CDC42BPA: variants seen among roughly 807,000 people sequenced by gnomAD.
CDC42BPA encodes the protein CDC42 binding protein kinase alpha.
CDC42BPA carries 80 observed loss-of-function variants against 223.5 expected under a neutral mutation model. The ratio of observed to expected loss-of-function variants is 0.36; its 90% CI spans 0.30 to 0.43. The LOEUF is 0.43. CDC42BPA is among the 20% of genes least tolerant of loss of function. The probability of loss-of-function intolerance (pLI) is 1.00; values close to 1 mark genes in which losing one functional copy is unlikely to be tolerated. For synonymous variants in CDC42BPA, 694 were observed against 718.6 expected (o/e 0.97, Z 0.55); for missense variants, 1,743 against 2,099.9 (o/e 0.83, Z 3.32).
chr1:226,999,259 C>G (rs1239194495), intron 35 of CDC42BPA, among the ~76,000 whole-genome samples: 1 of 151,756 alleles, frequency 6.6e-6, no homozygotes, highest in Non-Finnish European at 1.5e-5. Context: ...TCACTGCAAG[C>G]TCTGCCTCCC....
rs550993491 is a variant in CDC42BPA, at chr1:227,043,807, A to G, written c.3094-3571T>C. On this transcript the variant is annotated intron_variant, in intron 23 of 36. Transcript: ENST00000366766. ...CCAACTCCCTACTGCCATAAAAAAT[A>G]CAGTAATAAACATCTTCATCATGTT... Among the ~76,000 whole-genome samples, 81 of 152,286 alleles carry G rather than the reference A, an allele frequency of 5.3e-4. No individual in the cohort carries two copies. The East Asian group carries it at 6.8e-3, about 13-fold the overall frequency.
intron 34 of CDC42BPA, chr1:227,010,958 G>T (rs577982040): frequency 1.3e-5 from 18 of 1,364,668 alleles, no homozygotes; most frequent in East Asian, 9.1e-5. Context: ...TCAGGAGAGA[G>T]AAATTTTTCA....
chr1:227,005,883 C>T (rs1194617572), intron 34 of CDC42BPA, among the ~76,000 whole-genome samples: 1 of 152,212 alleles, frequency 6.6e-6, no homozygotes, highest in Non-Finnish European at 1.5e-5. Context: ...TCACACACGC[C>T]TAAAGGATAG....
chr1:227,148,830 A>T (rs1278486862), intron 6 of CDC42BPA, among the ~76,000 whole-genome samples: 2 of 150,702 alleles, frequency 1.3e-5, no homozygotes, highest in African/African-American at 4.9e-5. Flanking sequence ...TATTTGTATA[A>T]ACATATAAAA....
intron 15 of CDC42BPA, among the ~76,000 whole-genome samples, chr1:227,096,089 TACATA>T (rs1683948760): frequency 6.6e-6 from 1 of 152,196 alleles, no homozygotes. Flanking sequence ...AAAAATCTCC[TACATA>T]ACATTATTGA....
chr1:227,275,866 G>A (rs980615302), intron 1 of CDC42BPA, among the ~76,000 whole-genome samples: 45 of 152,212 alleles, frequency 3.0e-4, no homozygotes, highest in African/African-American at 1.0e-3. Flanking sequence ...GGCCTCCCGA[G>A]GTGCCGGGAT....
chr1:227,163,605 C>T lies in CDC42BPA; in HGVS notation c.600-2969G>A, dbSNP rs544993279. 6.6e-5 allele frequency among the ~76,000 whole-genome samples: 10 copies of T among 151,858 alleles called. No individual in the cohort carries two copies. The South Asian group carries it at 2.1e-3, about 32-fold the overall frequency. ...CTTGCCGTTGTAAAAATTGTGTGTGCACTGTTTTTTGTTTAATCTTCAGGG... is the reference window on the plus strand; with the variant it reads ...CTTGCCGTTGTAAAAATTGTGTGTGTACTGTTTTTTGTTTAATCTTCAGGG... On this transcript the variant is annotated intron_variant, in intron 5 of 36. Transcript: ENST00000366766.
chr1:227,257,190 A>G (rs1326101376), intron 1 of CDC42BPA, among the ~76,000 whole-genome samples: 2 of 152,146 alleles, frequency 1.3e-5, no homozygotes, highest in Non-Finnish European at 2.9e-5. Flanking sequence ...GGGACAGGAG[A>G]ATGAAAACTT....
intron 4 of CDC42BPA, among the ~76,000 whole-genome samples, chr1:227,195,883 G>A (rs1430498040): frequency 6.6e-6 from 1 of 152,072 alleles, no homozygotes; most frequent in East Asian, 1.9e-4. Context: ...CTAAAATAAA[G>A]AGCCCCTTCC....
chr1:227,213,929 C>A (rs190819852), intron 2 of CDC42BPA, among the ~76,000 whole-genome samples: 2 of 152,238 alleles, frequency 1.3e-5, no homozygotes, highest in East Asian at 3.9e-4. Context: ...CCCTTTCTCA[C>A]TCTCAACAAA....
intron 1 of CDC42BPA, among the ~76,000 whole-genome samples, chr1:227,285,625 T>C (rs550012077): frequency 3.5e-4 from 54 of 152,294 alleles, no homozygotes; most frequent in African/African-American, 1.3e-3. Flanking sequence ...CCATACAAAT[T>C]GTATCCTCTG....
Position 227,310,970 on chromosome 1 carries a change from C to T in CDC42BPA, c.178+6035G>A, listed in dbSNP as rs371757239. Among the ~76,000 whole-genome samples, 55 of 152,066 alleles carry T rather than the reference C, an allele frequency of 3.6e-4. No homozygotes were observed. In the South Asian group the frequency reaches 4.4e-3, roughly 12 times the overall value. ...CCTCCCAAAGTGCTGGGATTACAGG[C>T]GTAAACCACCGCACCCGGCCAAGGA... is the stretch of plus-strand genomic sequence containing the variant. On this transcript the variant is annotated intron_variant, in intron 1 of 36. Transcript: ENST00000366766.
chr1:227,160,407 A>G, intron 6 of CDC42BPA, 136 bp downstream of exon 6: 1 of 664,076 alleles, frequency 1.5e-6, no homozygotes, highest in South Asian at 1.8e-5. Context: ...GCCTTTGTGG[A>G]AGGAGGTGGC....
intron 2 of CDC42BPA, among the ~76,000 whole-genome samples, chr1:227,240,682 G>A (rs1173343084): frequency 1.6e-4 from 22 of 141,282 alleles, no homozygotes; most frequent in African/African-American, 5.6e-4. Context: ...GAAACAACTG[G>A]CTACAAATAC....
chr1:227,128,266 T>C lies in CDC42BPA; in HGVS notation c.1513+843A>G, dbSNP rs144702596. 6.0e-3 allele frequency among the ~76,000 whole-genome samples: 910 copies of C among 152,300 alleles called. 10 individuals carry two copies. Among genetic ancestry groups the C allele is most frequent in the African/African-American group, 0.021 (857 of 41,562 alleles). Reference sequence around the variant, plus strand: ...GCAGATAACTGTATGGCTAACCCCCTTGCCTTCTTTAAATTTTTGCTAACA... The same window carrying C: ...GCAGATAACTGTATGGCTAACCCCCCTGCCTTCTTTAAATTTTTGCTAACA... On this transcript the variant is annotated intron_variant, in intron 11 of 36. Transcript: ENST00000366766.
intron 4 of CDC42BPA, among the ~76,000 whole-genome samples, chr1:227,198,537 T>C (rs538356241): frequency 4.6e-5 from 7 of 151,658 alleles, no homozygotes; most frequent in Non-Finnish European, 7.4e-5. Context: ...CAATCTGTAG[T>C]TTAAAAAAAC....
chr1:227,284,837 C>T (rs1688556044), intron 1 of CDC42BPA, among the ~76,000 whole-genome samples: 3 of 152,012 alleles, frequency 2.0e-5, no homozygotes, highest in African/African-American at 7.3e-5. Flanking sequence ...TGGTACACGT[C>T]TGTCATCACA....
intron 4 of CDC42BPA, among the ~76,000 whole-genome samples, chr1:227,196,337 A>AATTTTTT (rs1558733013): frequency 7.1e-5 from 2 of 28,192 alleles, no homozygotes; most frequent in Non-Finnish European, 1.3e-4. Context: ...ATTAAACAAT[A>AATTTTTT]CTTTTTTTTT....
At chr1:227,157,955 C>CTTTTTTTTTTTTTTT (rs59212512) in intron 6 of CDC42BPA, among the ~76,000 whole-genome samples, 1 of 144,962 alleles carries the variant, frequency 6.9e-6, no homozygotes, top group Non-Finnish European at 1.5e-5. Flanking sequence ...ATTTTTATAA[C>CTTTTTTTTTTTTTTT]TTTTTTTTTT....
Sources: allele counts gnomAD v4.1 joint callset (sites outside exome capture counted in the v4.1 genomes callset), GRCh38; gene constraint gnomAD v4.1.1; transcripts MANE v1.5; gene names NCBI Gene and HGNC (gene_info 2026-07-23, HGNC 2026-07-21).